Variants in ANKS6 observed in about 807,000 individuals in gnomAD.
The protein encoded by ANKS6 is ankyrin repeat and SAM domain-containing protein 6.
A neutral mutation model predicts 77.9 loss-of-function variants in ANKS6; 47 were observed. That is an observed-to-expected ratio of 0.60 (90% CI 0.48 to 0.77). ANKS6 has a LOEUF of 0.77. Among genes scored for constraint, ANKS6 ranks in the 30% least tolerant of loss-of-function variants. The pLI, the probability that ANKS6 is intolerant of heterozygous loss-of-function variation, is 0.00. For synonymous variants in ANKS6, 488 were observed against 501.7 expected (o/e 0.97, Z 0.37); for missense variants, 1,150 against 1,159.1 (o/e 0.99, Z 0.11).
intron 11 of ANKS6, among the ~76,000 whole-genome samples, chr9:98,765,680 A>C (rs899524200): frequency 2.0e-5 from 3 of 152,190 alleles, no homozygotes; most frequent in Admixed American, 6.5e-5. Flanking sequence ...TGATATATCT[A>C]GTAGGCCTTT....
At chr9:98,755,723 C>A (rs908610418) in intron 12 of ANKS6, among the ~76,000 whole-genome samples, 5 of 152,226 alleles carry the variant, frequency 3.3e-5, no homozygotes, top group Non-Finnish European at 5.9e-5. Context: ...CCAAAGCAGA[C>A]AACTGACCGA....
chr9:98,732,767 G>A lies in ANKS6; in HGVS notation c.*3752C>T. The A allele has an allele frequency of 7.1e-7, 1 of 1,411,842 alleles. No homozygotes were observed. The highest frequency in any genetic ancestry group is 1.5e-5 in the South Asian group (1 of 66,046). The allele number at this position is 1,411,842 out of a possible 1,614,324, so 87.5% of individuals were successfully genotyped here. On this transcript the variant is annotated 3_prime_UTR_variant, in exon 15 of 15. Transcript: ENST00000353234. ...GAAGAAACGTGCTCAACATCACGCAGCACTAGGTCTATGTCCAGTGCTCTT... is the reference window on the plus strand; with the variant it reads ...GAAGAAACGTGCTCAACATCACGCAACACTAGGTCTATGTCCAGTGCTCTT...
chr9:98,754,676 C>T (rs71501876), intron 12 of ANKS6, among the ~76,000 whole-genome samples: 230 of 152,098 alleles, frequency 1.5e-3, no homozygotes, highest in Middle Eastern at 3.4e-3. Context: ...TGGATTGCAG[C>T]CCCCGGCCTA....
chr9:98,783,314 A>G (rs1166797230), intron 4 of ANKS6, among the ~76,000 whole-genome samples: 1 of 152,138 alleles, frequency 6.6e-6, no homozygotes, highest in East Asian at 1.9e-4. Flanking sequence ...AAGAAAACAA[A>G]CTGTTTTCAG....
chr9:98,796,305 C>G lies in ANKS6; in HGVS notation c.187G>C (p.Gly63Arg). ...ACGGGCACCGGAGCCCCGACTGCCCCCGCCGCTGCGGCCCCGGGCCCGGCC... is the reference window on the plus strand; with the variant it reads ...ACGGGCACCGGAGCCCCGACTGCCCGCGCCGCTGCGGCCCCGGGCCCGGCC... ...EVAGPGAAAA[G>R]AVGAPVPVDC... The change falls in exon 1 of 15, where the codon GGG becomes CGG. Residue 63 changes from glycine (G) to arginine (R), a missense_variant. Gly to Arg is a moderately radical substitution (Grantham distance 125). Coordinates refer to ENST00000353234, the MANE Select transcript of ANKS6 (RefSeq NM_173551.5). The G allele has an allele frequency of 7.9e-7, 1 of 1,260,200 alleles. No homozygotes were observed. Among genetic ancestry groups the G allele is most frequent in the Non-Finnish European group, 1.0e-6 (1 of 1,002,144 alleles). 78.1% of individuals were successfully genotyped at this position (1,260,200 alleles called of 1,614,324 possible). A position where few individuals can be genotyped will look rare whatever the true frequency, so the allele number is the denominator to read the frequency against.
intron 6 of ANKS6, among the ~76,000 whole-genome samples, chr9:98,779,017 A>G (rs1352279808): frequency 6.6e-6 from 1 of 152,212 alleles, no homozygotes; most frequent in Non-Finnish European, 1.5e-5. Context: ...TGCCTGTGGA[A>G]ATGGCAGTAA....
chr9:98,761,912 A>C (rs920961726), intron 11 of ANKS6, among the ~76,000 whole-genome samples: 1 of 152,144 alleles, frequency 6.6e-6, no homozygotes, highest in Non-Finnish European at 1.5e-5. Flanking sequence ...TAAAATTTAT[A>C]ATCAGTTTCT....
intron 1 of ANKS6, among the ~76,000 whole-genome samples, chr9:98,792,980 A>T (rs548690476): frequency 1.3e-5 from 2 of 152,244 alleles, no homozygotes; most frequent in Non-Finnish European, 2.9e-5. Context: ...TGTGGATGCT[A>T]AGTTTCTAAT....
intron 12 of ANKS6, 139 bp downstream of exon 12, chr9:98,756,281 G>T: frequency 1.1e-6 from 1 of 887,282 alleles, no homozygotes; most frequent in Non-Finnish European, 1.7e-6. Context: ...TCAGAGAAGA[G>T]GAGGGACATG....
At chr9:98,778,548 C>G in intron 6 of ANKS6, 124 bp from the exon 7 acceptor site, 1 of 837,090 alleles carries the variant, frequency 1.2e-6, no homozygotes, top group Non-Finnish European at 1.9e-6. Flanking sequence ...TCCTGGGGCC[C>G]AGACAGACAT....
At chr9:98,794,044 G>A (rs1286278444) in intron 1 of ANKS6, among the ~76,000 whole-genome samples, 8 of 150,170 alleles carry the variant, frequency 5.3e-5, no homozygotes, top group Non-Finnish European at 1.0e-4. Context: ...CAGCTACTCC[G>A]GAGGCTGAGA....
chr9:98,790,800 G>A (rs1394487939), intron 1 of ANKS6, among the ~76,000 whole-genome samples, 194 bp from the exon 2 acceptor site: 3 of 152,202 alleles, frequency 2.0e-5, no homozygotes, highest in Non-Finnish European at 4.4e-5. Flanking sequence ...CCCTGCCTGG[G>A]TTCAAATCCA....
chr9:98,748,932 T>C (rs1027159191), intron 13 of ANKS6, among the ~76,000 whole-genome samples: 6 of 152,134 alleles, frequency 3.9e-5, no homozygotes, highest in African/African-American at 1.4e-4. Flanking sequence ...GCATTATTAA[T>C]GGGGATAATT....
intron 12 of ANKS6, among the ~76,000 whole-genome samples, chr9:98,754,330 A>G (rs907361743): frequency 3.9e-5 from 6 of 152,172 alleles, no homozygotes; most frequent in Admixed American, 6.5e-5. Flanking sequence ...AATATTTCCC[A>G]GAAGAATATA....
intron 9 of ANKS6, among the ~76,000 whole-genome samples, chr9:98,772,103 T>C (rs1833671421): frequency 1.3e-5 from 2 of 152,302 alleles, no homozygotes; most frequent in South Asian, 4.2e-4. Flanking sequence ...CCCAGAACCT[T>C]TGACTGTTAC....
chr9:98,762,111 T>A (rs1003404685), intron 11 of ANKS6, among the ~76,000 whole-genome samples: 25 of 152,158 alleles, frequency 1.6e-4, no homozygotes, highest in Non-Finnish European at 3.4e-4. Context: ...ACCTAAGTAT[T>A]ATATTATATT....
chr9:98,769,881 T>A (rs1213372625), intron 10 of ANKS6, among the ~76,000 whole-genome samples: 1 of 152,260 alleles, frequency 6.6e-6, no homozygotes, highest in Non-Finnish European at 1.5e-5. Context: ...TGTGCCTTTT[T>A]ATAAATATTC....
intron 2 of ANKS6, among the ~76,000 whole-genome samples, chr9:98,785,806 C>G (rs1225765089): frequency 6.6e-6 from 1 of 152,184 alleles, no homozygotes; most frequent in African/African-American, 2.4e-5. Flanking sequence ...ACAAGGAGCA[C>G]AGAGTGTGGA....
chr9:98,755,945 G>C (rs1054884195), intron 12 of ANKS6, among the ~76,000 whole-genome samples: 7 of 152,158 alleles, frequency 4.6e-5, no homozygotes, highest in African/African-American at 1.7e-4. Flanking sequence ...CCACCACTTG[G>C]AGAGAACCTA....
Sources: allele counts gnomAD v4.1 joint callset (sites outside exome capture counted in the v4.1 genomes callset), GRCh38; gene constraint gnomAD v4.1.1; transcripts MANE v1.5; gene names NCBI Gene and HGNC (gene_info 2026-07-23, HGNC 2026-07-21).